PAPSS2: variants seen among roughly 807,000 people sequenced by gnomAD.
PAPSS2 encodes the protein 3'-phosphoadenosine 5'-phosphosulfate synthase 2, also known as bifunctional 3'-phosphoadenosine 5'-phosphosulfate synthase 2.
PAPSS2 carries 61 observed loss-of-function variants against 66.5 expected under a neutral mutation model. The observed-to-expected ratio is 0.92, with a 90% confidence interval of 0.75 to 1.14. PAPSS2 has a LOEUF of 1.14. PAPSS2 is among the 50% of genes most tolerant of loss of function. The pLI is 0.00. For synonymous variants in PAPSS2, 289 were observed against 287.5 expected (o/e 1.01, Z -0.05); for missense variants, 708 against 789.6 (o/e 0.90, Z 1.24).
At chr10:87,680,260 G>A (rs748857517) in intron 1 of PAPSS2, among the ~76,000 whole-genome samples, 13 of 152,158 alleles carry the variant, frequency 8.5e-5, no homozygotes, top group Non-Finnish European at 1.6e-4. Flanking sequence ...ATTTTCTTTA[G>A]CACTGGAGGG....
At position 87,714,729 on chromosome 10, in the gene PAPSS2, C is replaced by T; in HGVS notation, c.521-16C>T. 7.5e-7 allele frequency: 1 copy of T among 1,328,872 alleles called. No homozygotes were observed. The highest frequency in any genetic ancestry group is 1.1e-6 in the Non-Finnish European group (1 of 919,560). The allele number at this position is 1,328,872 out of a possible 1,614,324, so 82.3% of individuals were successfully genotyped here. A position where few individuals can be genotyped will look rare whatever the true frequency, so the allele number is the denominator to read the frequency against. ...GTCAATACAGATGCGATGATTGTCA[C>T]CCATATGCTTTGCAGGATTTACAGG... On this transcript the variant is annotated splice_polypyrimidine_tract_variant and intron_variant, in intron 4 of 12. Coordinates refer to ENST00000456849, the MANE Select transcript of PAPSS2 (RefSeq NM_001015880.2).
intron 7 of PAPSS2, among the ~76,000 whole-genome samples, chr10:87,717,081 ACCAGTCTGCTCT>A (rs977657742): frequency 6.6e-6 from 1 of 152,120 alleles, no homozygotes; most frequent in Admixed American, 6.6e-5. Flanking sequence ...CTCCTTACAT[ACCAGTCTGCTCT>A]CCTGATGTCT....
intron 1 of PAPSS2, among the ~76,000 whole-genome samples, chr10:87,707,576 T>C (rs1049234011): frequency 2.8e-5 from 4 of 143,242 alleles, no homozygotes; most frequent in African/African-American, 1.0e-4. Context: ...TTTTTTTTTT[T>C]TTTTTTTTTT....
chr10:87,731,255 G>A (rs1045197833), intron 9 of PAPSS2, among the ~76,000 whole-genome samples: 2 of 152,162 alleles, frequency 1.3e-5, no homozygotes, highest in Non-Finnish European at 1.5e-5. Flanking sequence ...ACAAAGCCTG[G>A]ATGATAGCAC....
At chr10:87,665,129 CTT>C (rs748290827) in intron 1 of PAPSS2, among the ~76,000 whole-genome samples, 1 of 151,968 alleles carries the variant, frequency 6.6e-6, no homozygotes, top group Non-Finnish European at 1.5e-5. Flanking sequence ...GGATGAATGA[CTT>C]TGTTTTCAGA....
intron 1 of PAPSS2, among the ~76,000 whole-genome samples, chr10:87,665,507 G>A (rs186447769): frequency 3.0e-4 from 45 of 152,160 alleles, no homozygotes; most frequent in African/African-American, 9.4e-4. Context: ...CACCGTGCCC[G>A]GCCTGAATTT....
chr10:87,715,668 C>T, intron 6 of PAPSS2, 64 bp from the exon 7 acceptor site: 1 of 1,016,980 alleles, frequency 9.8e-7, no homozygotes, highest in Non-Finnish European at 1.6e-6. Flanking sequence ...AAGGACTTCC[C>T]TGGGGCCAGA....
intron 7 of PAPSS2, among the ~76,000 whole-genome samples, chr10:87,720,965 T>C (rs554841780): frequency 1.3e-5 from 2 of 152,212 alleles, no homozygotes; most frequent in Non-Finnish European, 2.9e-5. Context: ...TGTTGACTGA[T>C]GGCATCCAAG....
In PAPSS2 at chr10:87,745,156, C is replaced by T. The variant is rs988904625; in HGVS notation, c.1646C>T (p.Ser549Phe). The T allele has an allele frequency of 3.1e-6, 5 of 1,614,044 alleles. No homozygotes were observed. The highest frequency in any genetic ancestry group is 1.3e-5 in the African/African-American group (1 of 74,940). Reference sequence around the variant, plus strand: ...TTGAGCATGGCCCCTGGCCTCACCTCTGTGGAAATCATTCCATTCCGAGTG... The same window carrying T: ...TTGAGCATGGCCCCTGGCCTCACCTTTGTGGAAATCATTCCATTCCGAGTG... ...KVLSMAPGLT[S>F]VEIIPFRVAA... Residue 549 changes from serine to phenylalanine, a missense_variant, in exon 12 of 13, where the codon TCT (serine) becomes TTT (phenylalanine). Physicochemically the swap from Ser to Phe is radical, Grantham distance 155. Transcript: ENST00000456849.
intron 10 of PAPSS2, among the ~76,000 whole-genome samples, chr10:87,741,827 G>T (rs1483481803): frequency 6.6e-6 from 1 of 152,310 alleles, no homozygotes; most frequent in South Asian, 2.1e-4. Context: ...CATGACCATA[G>T]CTCACTGCAG....
chr10:87,678,288 A>T (rs968288665), intron 1 of PAPSS2, among the ~76,000 whole-genome samples: 1 of 152,170 alleles, frequency 6.6e-6, no homozygotes, highest in African/African-American at 2.4e-5. Context: ...ATATACAAAA[A>T]TCAACCGAAG....
At chr10:87,713,350 TC>T in intron 3 of PAPSS2, 40 bp downstream of exon 3, 1 of 1,109,910 alleles carries the variant, frequency 9.0e-7, no homozygotes, top group Non-Finnish European at 1.3e-6. Flanking sequence ...TACACACGAT[TC>T]CCACACACAG....
intron 1 of PAPSS2, among the ~76,000 whole-genome samples, chr10:87,695,689 T>C (rs1054902181): frequency 6.6e-6 from 1 of 152,108 alleles, no homozygotes; most frequent in African/African-American, 2.4e-5. Context: ...GTGATAGAGA[T>C]CATGAAGAAA....
intron 1 of PAPSS2, among the ~76,000 whole-genome samples, chr10:87,663,289 TTTAGTAG>T (rs1340554754): frequency 3.9e-5 from 6 of 152,000 alleles, no homozygotes; most frequent in Admixed American, 2.6e-4. Flanking sequence ...TTTTTGTATT[TTTAGTAG>T]AGACGGGGTT....
intron 1 of PAPSS2, among the ~76,000 whole-genome samples, chr10:87,678,757 T>C (rs1397646407): frequency 2.0e-5 from 3 of 151,954 alleles, no homozygotes; most frequent in Non-Finnish European, 4.4e-5. Context: ...GTAGAAGGGC[T>C]AATATGTAAA....
chr10:87,677,993 A>G (rs1230804353), intron 1 of PAPSS2, among the ~76,000 whole-genome samples: 1 of 152,216 alleles, frequency 6.6e-6, no homozygotes, highest in African/African-American at 2.4e-5. Context: ...CAAAGATTTA[A>G]GCATTGAGAA....
At chr10:87,741,538 G>T in intron 10 of PAPSS2, among the ~76,000 whole-genome samples, 168 bp downstream of exon 10, 1 of 151,940 alleles carries the variant, frequency 6.6e-6, no homozygotes, top group East Asian at 1.9e-4. Context: ...TGGATTACAG[G>T]TGCCCACCAC....
chr10:87,679,072 G>A (rs751621835), intron 1 of PAPSS2, among the ~76,000 whole-genome samples: 27 of 152,200 alleles, frequency 1.8e-4, no homozygotes, highest in Middle Eastern at 3.4e-3. Flanking sequence ...TGTGGTATAT[G>A]TTTACAATGG....
At chr10:87,689,688 A>T (rs1220672904) in intron 1 of PAPSS2, among the ~76,000 whole-genome samples, 2 of 151,430 alleles carry the variant, frequency 1.3e-5, no homozygotes, top group Non-Finnish European at 2.9e-5. Context: ...AAAAAGAAAA[A>T]AAAAAAGAAC....
Sources: allele counts gnomAD v4.1 joint callset (sites outside exome capture counted in the v4.1 genomes callset), GRCh38; gene constraint gnomAD v4.1.1; transcripts MANE v1.5; gene names NCBI Gene and HGNC (gene_info 2026-07-23, HGNC 2026-07-21).